Variants in ZNF532 observed in about 807,000 individuals in gnomAD.
ZNF532 encodes zinc finger protein 532.
ZNF532 carries 22 observed loss-of-function variants against 89.3 expected under a neutral mutation model. The observed-to-expected ratio is 0.25, with a 90% CI of 0.18 to 0.35. The LOEUF (loss-of-function observed/expected upper bound fraction) is 0.35, where lower values mean the gene tolerates loss of function less well. Ranked by LOEUF, ZNF532 falls within the 10% of genes least tolerant of loss-of-function variation. The pLI is 1.00. For missense variants in ZNF532, 1,132 were observed against 1,643.4 expected, an observed-to-expected ratio of 0.69 and a Z score of 5.38; for synonymous variants, 606 against 649.6, an observed-to-expected ratio of 0.93 and a Z score of 1.02.
intron 2 of ZNF532, among the ~76,000 whole-genome samples, chr18:58,916,395 T>C (rs931053743): frequency 1.3e-5 from 2 of 152,222 alleles, no homozygotes; most frequent in Admixed American, 1.3e-4. Flanking sequence ...CTCATAGATA[T>C]TTGTACGTCA....
chr18:58,863,593 C>T (rs2056160220), upstream of ZNF532: 1 of 8,716 alleles, frequency 1.1e-4, no homozygotes, highest in South Asian at 1.5e-3. Context: ...ACGCAGATGA[C>T]ACGCCCGTAA....
intron 3 of ZNF532, among the ~76,000 whole-genome samples, chr18:58,925,571 G>A (rs923936625): frequency 2.6e-5 from 4 of 152,142 alleles, no homozygotes; most frequent in Non-Finnish European, 5.9e-5. Flanking sequence ...TCTATAGCTT[G>A]TCTTTTCATC....
intron 3 of ZNF532, among the ~76,000 whole-genome samples, chr18:58,930,008 T>G (rs895314043): frequency 1.3e-5 from 2 of 152,212 alleles, no homozygotes; most frequent in African/African-American, 4.8e-5. Context: ...GCTGGTATTG[T>G]TTCTGCCTTT....
In ZNF532 at chr18:58,888,787, A is replaced by AT. The variant is rs1491511822; in HGVS notation, c.-18+23208_-18+23209insT. Among the ~76,000 whole-genome samples, 5 of 8,152 alleles carry AT rather than the reference A, an allele frequency of 6.1e-4. 1 individual carries two copies. Among genetic ancestry groups the AT allele is most frequent in the East Asian group, 7.8e-3 (1 of 128 alleles). 5.3% of individuals were successfully genotyped at this position (8,152 alleles called of 152,430 possible). A position where few individuals can be genotyped will look rare whatever the true frequency, so the allele number is the denominator to read the frequency against. On this transcript the variant is annotated intron_variant, in intron 2 of 9. Transcript: ENST00000591808. Reference sequence around the variant, plus strand: ...ATATATATAATTTATATATATATAAAATATATATAATTTATATATATAAAA... The same window carrying AT: ...ATATATATAATTTATATATATATAAATATATATATAATTTATATATATAAAA...
At chr18:58,941,468 CTT>C (rs71302776) in intron 5 of ZNF532, among the ~76,000 whole-genome samples, 8 of 114,898 alleles carry the variant, frequency 7.0e-5, no homozygotes, top group Non-Finnish European at 3.4e-5. Flanking sequence ...CTCTCTCTCT[CTT>C]TTTTTTTTTT....
chr18:58,917,100 A>ATTCCCC (rs1395898499), intron 2 of ZNF532, among the ~76,000 whole-genome samples: 1 of 152,098 alleles, frequency 6.6e-6, no homozygotes. Context: ...TGCTTGCTTC[A>ATTCCCC]TTCCCCTTTC....
chr18:58,945,064 C>T (rs969392207), intron 5 of ZNF532, among the ~76,000 whole-genome samples: 4 of 152,192 alleles, frequency 2.6e-5, no homozygotes, highest in South Asian at 2.1e-4. Context: ...AGTTGTTATG[C>T]GTGTCTTTCT....
chr18:58,903,568 G>A (rs1037015339), intron 2 of ZNF532, among the ~76,000 whole-genome samples: 1 of 152,122 alleles, frequency 6.6e-6, no homozygotes, highest in Non-Finnish European at 1.5e-5. Flanking sequence ...AAGAGAATGA[G>A]GGCGCATCTG....
chr18:58,964,379 TAGAG>T (rs1185452869), intron 7 of ZNF532: 5 of 152,336 alleles, frequency 3.3e-5, no homozygotes, highest in Admixed American at 6.5e-5. Context: ...GGTTGACTGT[TAGAG>T]AGTGATGGCT....
At chr18:58,876,135 CG>C (rs2057410143) in intron 2 of ZNF532, among the ~76,000 whole-genome samples, 1 of 151,936 alleles carries the variant, frequency 6.6e-6, no homozygotes, top group South Asian at 2.1e-4. Flanking sequence ...GGGGTTTCAC[CG>C]TGTTAGCCAG....
At chr18:58,941,188 G>T (rs375154072) in intron 5 of ZNF532, among the ~76,000 whole-genome samples, 1 of 152,212 alleles carries the variant, frequency 6.6e-6, no homozygotes, top group South Asian at 2.1e-4. Flanking sequence ...TCTTGACTCT[G>T]AAGATGGGGA....
intron 7 of ZNF532, among the ~76,000 whole-genome samples, chr18:58,967,033 A>C (rs2065990565): frequency 1.3e-5 from 2 of 152,212 alleles, no homozygotes; most frequent in South Asian, 4.1e-4. Context: ...TTAAGTATAA[A>C]AACCCCACAT....
rs1260193334 is a variant in ZNF532 at position 58,920,321 on chromosome 18, C to T, written c.2034C>T (p.Ser678=). The T allele has an allele frequency of 1.2e-6, 2 of 1,613,848 alleles. No homozygotes were observed. Among genetic ancestry groups the T allele is most frequent in the Non-Finnish European group, 1.7e-6 (2 of 1,179,874 alleles). The part of the protein sequence containing the change: ...HKEKGVVMQC[S]HLILKPVPAD... ...AGAAAGGGGTGGTAATGCAATGCTC[C>T]CACTTAATTTTAAAGCCAGTCCCAG... Residue 678 remains serine, a synonymous_variant, in exon 3 of 10, where the codon TCC becomes TCT. Transcript: ENST00000591808.
intron 3 of ZNF532, among the ~76,000 whole-genome samples, chr18:58,927,182 G>T (rs140624185): frequency 1.3e-5 from 2 of 152,258 alleles, no homozygotes; most frequent in East Asian, 3.9e-4. Context: ...CTGGTGGTGG[G>T]GGAATTGGCA....
rs1174122097 is a variant in ZNF532, at chr18:58,975,556, C to A, written c.3151-3499C>A. Among the ~76,000 whole-genome samples, 3 of 152,290 alleles carry A rather than the reference C, an allele frequency of 2.0e-5. No homozygotes were observed. The East Asian group carries it at 5.8e-4, about 29-fold the overall frequency. ...TCCGGGAAGAATGGCCTGCCAAGGCCGTACCATCCCAAGCACAGCAGCAGC... is the reference window on the plus strand; with the variant it reads ...TCCGGGAAGAATGGCCTGCCAAGGCAGTACCATCCCAAGCACAGCAGCAGC... On this transcript the variant is annotated intron_variant, in intron 7 of 9. Coordinates refer to ENST00000591808, the MANE Select transcript of ZNF532 (RefSeq NM_001375912.1).
chr18:58,887,901 G>T (rs1009820866), intron 2 of ZNF532, among the ~76,000 whole-genome samples: 3 of 152,168 alleles, frequency 2.0e-5, no homozygotes, highest in African/African-American at 7.2e-5. Context: ...GCAGAGGGGA[G>T]CAGAAATAAT....
chr18:58,912,255 A>G (rs1384697902), intron 2 of ZNF532, among the ~76,000 whole-genome samples: 2 of 152,240 alleles, frequency 1.3e-5, no homozygotes. Flanking sequence ...AGAAGAAAAC[A>G]TACTACCTTG....
In ZNF532 at chr18:58,922,671, C is replaced by T. The variant is rs141454171; in HGVS notation, c.2346+2038C>T. Among the ~76,000 whole-genome samples the T allele has an allele frequency of 2.6e-3, 401 of 152,262 alleles. 3 individuals are homozygous for T. In the Middle Eastern group the frequency reaches 0.044, roughly 17 times the overall value. ...GGATGCAGTAAAAAAGGGGAAAAAGCCAAAAAGCTCTTTCTTCATTTCTGT... is the reference window on the plus strand; with the variant it reads ...GGATGCAGTAAAAAAGGGGAAAAAGTCAAAAAGCTCTTTCTTCATTTCTGT... On this transcript the variant is annotated intron_variant, in intron 3 of 9. Coordinates refer to ENST00000591808, the MANE Select transcript of ZNF532 (RefSeq NM_001375912.1).
intron 7 of ZNF532, among the ~76,000 whole-genome samples, chr18:58,958,256 T>C (rs1450147612): frequency 6.6e-6 from 1 of 152,164 alleles, no homozygotes; most frequent in Non-Finnish European, 1.5e-5. Context: ...TTGACAGATA[T>C]TCAGTGCATA....
Sources: gnomAD v4.1 joint callset for allele counts (sites outside exome capture counted in the v4.1 genomes callset) on GRCh38, gnomAD v4.1.1 for gene constraint, MANE v1.5 for transcripts, NCBI Gene and HGNC (gene_info 2026-07-23, HGNC 2026-07-21) for gene names.